DPP6: variants seen among roughly 807,000 people sequenced by gnomAD.
The protein encoded by DPP6 is dipeptidyl peptidase like 6, also known as A-type potassium channel modulatory protein DPP6.
A neutral mutation model predicts 122.6 loss-of-function variants in DPP6; 69 were observed. That is an observed-to-expected ratio of 0.56 (90% CI 0.46 to 0.69). The LOEUF (loss-of-function observed/expected upper bound fraction) is 0.69. DPP6 is among the 30% of genes least tolerant of loss of function. The pLI is 0.00. For missense variants in DPP6, 928 were observed against 1,116.9 expected, an observed-to-expected ratio of 0.83 and a Z score of 2.41; for synonymous variants, 418 against 433.1, an observed-to-expected ratio of 0.97 and a Z score of 0.43.
intron 1 of DPP6, among the ~76,000 whole-genome samples, chr7:154,336,457 C>A (rs34363477): frequency 6.6e-6 from 1 of 152,090 alleles, no homozygotes; most frequent in East Asian, 1.9e-4. Flanking sequence ...GTATGGAGAA[C>A]GCAGCCACAC....
intron 2 of DPP6, 32 bp downstream of exon 2, chr7:154,446,360 C>G (rs1320672370): frequency 6.5e-7 from 1 of 1,544,396 alleles, no homozygotes; most frequent in East Asian, 2.3e-5. Context: ...AAGCAAGTCG[C>G]TGTCAGAGAG....
At chr7:154,838,979 TC>T (rs1801301880) in intron 16 of DPP6, 1 of 152,204 alleles carries the variant, frequency 6.6e-6, no homozygotes, top group African/African-American at 2.4e-5. Flanking sequence ...TGAAGGGTCT[TC>T]CACTAACCCT....
At chr7:154,378,987 G>C (rs974332971) in intron 1 of DPP6, among the ~76,000 whole-genome samples, 3 of 152,136 alleles carry the variant, frequency 2.0e-5, no homozygotes, top group African/African-American at 4.8e-5. Context: ...CTCCCTCAAC[G>C]TGTGGGGATT....
the DPP6 span, among the ~76,000 whole-genome samples, chr7:153,844,665 A>G: frequency 1.3e-5 from 2 of 152,260 alleles, no homozygotes; most frequent in African/African-American, 2.4e-5. Context: ...ATGGTGGGCC[A>G]GATTCATCCG....
intron 1 of DPP6, among the ~76,000 whole-genome samples, chr7:154,081,143 C>G (rs1418663748): frequency 6.6e-6 from 1 of 151,816 alleles, no homozygotes; most frequent in Admixed American, 6.6e-5. Flanking sequence ...GACCTAGCCC[C>G]TGATCAGCTG....
intron 6 of DPP6, 134 bp from the exon 7 acceptor site, chr7:154,669,226 A>G: frequency 7.4e-7 from 1 of 1,358,922 alleles, no homozygotes; most frequent in Non-Finnish European, 1.0e-6. Context: ...TAGTAACACA[A>G]GAGACAAGCT....
chr7:154,342,795 G>A (rs1463315712), intron 1 of DPP6, among the ~76,000 whole-genome samples: 1 of 152,114 alleles, frequency 6.6e-6, no homozygotes, highest in Non-Finnish European at 1.5e-5. Context: ...CAGAATTTCC[G>A]TCCACTTCCT....
At chr7:154,817,205 G>T (rs1035228244) in intron 16 of DPP6, among the ~76,000 whole-genome samples, 1 of 152,186 alleles carries the variant, frequency 6.6e-6, no homozygotes, top group Admixed American at 6.5e-5. Flanking sequence ...AGGCAGGGAT[G>T]AAAAACAGGA....
At chr7:153,856,526 G>A in the DPP6 span, among the ~76,000 whole-genome samples, 296 of 152,128 alleles carry the variant, frequency 1.9e-3, 2 homozygotes, top group African/African-American at 6.6e-3. Context: ...ACACATCTGG[G>A]GTATTGGCTA....
chr7:153,953,826 C>T (rs1010276804), intron 1 of DPP6, among the ~76,000 whole-genome samples: 3 of 152,176 alleles, frequency 2.0e-5, no homozygotes, highest in African/African-American at 7.2e-5. Context: ...TCTACAGGCA[C>T]ACATACAAAG....
intron 1 of DPP6, among the ~76,000 whole-genome samples, chr7:154,158,307 T>C (rs370666953): frequency 0.063 from 9,458 of 150,704 alleles, 360 homozygotes; most frequent in Non-Finnish European, 0.077. Context: ...ATTGAATAAT[T>C]TGGATGGATA....
intron 1 of DPP6, among the ~76,000 whole-genome samples, chr7:154,388,036 C>T (rs958770784): frequency 7.9e-5 from 12 of 152,104 alleles, no homozygotes; most frequent in Admixed American, 6.6e-4. Flanking sequence ...AGTGCAAAGG[C>T]TCAGCCTGTA....
At position 154,755,177 on chromosome 7, in the gene DPP6, ATG is replaced by A. The variant is rs1314838266; in HGVS notation, c.884-14238_884-14237del. 6.6e-6 allele frequency among the ~76,000 whole-genome samples: 1 copy of A among 151,276 alleles called. No individual in the cohort carries two copies. Among genetic ancestry groups the A allele is most frequent in the African/African-American group, 2.4e-5 (1 of 41,156 alleles). ...AAAAAAAAAAAAAGAAACTGAACAC[ATG>A]TCAGGAGCTGAATTTAAAACAATGT... On this transcript the variant is annotated intron_variant, in intron 8 of 25. Coordinates refer to ENST00000377770, the MANE Select transcript of DPP6 (RefSeq NM_130797.4). The surrounding 1 kb of genome is among the most constrained non-coding windows in gnomAD (Gnocchi z 4.7).
chr7:154,870,187 G>T (rs1289144652), intron 18 of DPP6, among the ~76,000 whole-genome samples: 15 of 124,272 alleles, frequency 1.2e-4, no homozygotes, highest in Middle Eastern at 5.5e-3. Context: ...GTCTCACTAT[G>T]TTGCCCAAAC....
chr7:154,737,953 T>C (rs929551815), intron 8 of DPP6, among the ~76,000 whole-genome samples: 10 of 152,102 alleles, frequency 6.6e-5, no homozygotes, highest in Non-Finnish European at 1.0e-4. Flanking sequence ...TCTCAAAGAA[T>C]TATTGCAAAG....
chr7:154,879,230 T>G (rs10249281), intron 20 of DPP6, among the ~76,000 whole-genome samples: 8,092 of 94,398 alleles, frequency 0.086, 1,990 homozygotes, highest in African/African-American at 0.3. Context: ...ATCACCGGAG[T>G]CCAGGAGTTC....
chr7:153,763,554 AAAG>A, the DPP6 span, among the ~76,000 whole-genome samples: 3 of 152,220 alleles, frequency 2.0e-5, no homozygotes, highest in South Asian at 6.2e-4. Flanking sequence ...ACAAGGAAAA[AAAG>A]ATGTTGCTGG....
chr7:153,948,810 G>T (rs1802069416), intron 1 of DPP6, among the ~76,000 whole-genome samples: 1 of 143,026 alleles, frequency 7.0e-6, no homozygotes, highest in East Asian at 2.0e-4. Context: ...CAGTAATCAA[G>T]CCTGGCCCAT....
At chr7:154,609,272 T>C (rs1290693650) in intron 5 of DPP6, among the ~76,000 whole-genome samples, 1 of 152,246 alleles carries the variant, frequency 6.6e-6, no homozygotes, top group African/African-American at 2.4e-5. Flanking sequence ...CCCAGTACTA[T>C]CTTTCTTTGC....
Sources: allele counts gnomAD v4.1 joint callset (sites outside exome capture counted in the v4.1 genomes callset), GRCh38; gene constraint gnomAD v4.1.1; non-coding constraint Gnocchi (gnomAD v3.1); transcripts MANE v1.5; gene names NCBI Gene and HGNC (gene_info 2026-07-23, HGNC 2026-07-21).